TMED3: variants seen among roughly 807,000 people sequenced by gnomAD.
TMED3 encodes the protein transmembrane p24 trafficking protein 3.
Under a neutral mutation model 15.0 loss-of-function variants are expected in TMED3, and 9 were observed. The observed-to-expected ratio is 0.60, with a 90% CI of 0.36 to 1.04. TMED3 has a LOEUF of 1.04. TMED3 is among the 50% of genes least tolerant of loss of function. The pLI is 0.01. For synonymous variants in TMED3, 117 were observed against 121.4 expected (o/e 0.96, Z 0.24); for missense variants, 267 against 278.9 (o/e 0.96, Z 0.30).
chr15:79,314,028 G>C, intron 2 of TMED3, 23 bp downstream of exon 2: 1 of 1,613,318 alleles, frequency 6.2e-7, no homozygotes, highest in African/African-American at 1.3e-5. Context: ...TAGCAGTTCG[G>C]GGCTGCTGAA....
intron 2 of TMED3, among the ~76,000 whole-genome samples, chr15:79,369,280 A>G (rs1893293977): frequency 6.6e-6 from 1 of 152,172 alleles, no homozygotes; most frequent in African/African-American, 2.4e-5. Context: ...CTCGAGAGAT[A>G]ATAGTTGAAA....
chr15:79,334,626 C>T (rs1260427897), intron 2 of TMED3, among the ~76,000 whole-genome samples: 1 of 152,162 alleles, frequency 6.6e-6, no homozygotes, highest in Non-Finnish European at 1.5e-5. Context: ...CACAGTGTGA[C>T]TCTTCAGCAA....
At chr15:79,353,121 AATAT>A (rs1225097685) in intron 2 of TMED3, among the ~76,000 whole-genome samples, 1 of 82,326 alleles carries the variant, frequency 1.2e-5, no homozygotes, top group African/African-American at 5.7e-5. Flanking sequence ...ATATATATAT[AATAT>A]ATATAAAATA....
At chr15:79,354,919 A>T (rs2141237007) in intron 2 of TMED3, among the ~76,000 whole-genome samples, 1 of 152,156 alleles carries the variant, frequency 6.6e-6, no homozygotes, top group African/African-American at 2.4e-5. Context: ...ATCAGGCATG[A>T]CCTTAGCCCC....
chr15:79,403,062 GA>G (rs529279385), intron 2 of TMED3, among the ~76,000 whole-genome samples: 9 of 147,574 alleles, frequency 6.1e-5, no homozygotes, highest in African/African-American at 1.5e-4. Context: ...CTATTCAAAA[GA>G]AAAAAAAAGT....
At chr15:79,325,121 A>T (rs1322712603), downstream of TMED3, among the ~76,000 whole-genome samples, 1 of 152,162 alleles carries the variant, frequency 6.6e-6, no homozygotes, top group Non-Finnish European at 1.5e-5. Flanking sequence ...AAGACATAGG[A>T]CCTCTGACTC....
chr15:79,364,782 C>T (rs2141242392), intron 2 of TMED3, among the ~76,000 whole-genome samples: 1 of 152,044 alleles, frequency 6.6e-6, no homozygotes, highest in Admixed American at 6.5e-5. Flanking sequence ...ATCATCCTCT[C>T]ACTGCATCCT....
At chr15:79,332,002 A>G (rs1368390087) in intron 2 of TMED3, among the ~76,000 whole-genome samples, 1 of 152,186 alleles carries the variant, frequency 6.6e-6, no homozygotes, top group Non-Finnish European at 1.5e-5. Context: ...GCTGTGTGCT[A>G]TGATTGTACC....
chr15:79,323,714 A>G (rs1168743137), downstream of TMED3, among the ~76,000 whole-genome samples: 1 of 152,190 alleles, frequency 6.6e-6, no homozygotes, highest in Non-Finnish European at 1.5e-5. Context: ...GAATTGAAGG[A>G]CACAGCTTTA....
intron 1 of TMED3, among the ~76,000 whole-genome samples, chr15:79,311,978 C>T (rs1317230623): frequency 1.3e-5 from 2 of 152,236 alleles, no homozygotes; most frequent in Non-Finnish European, 2.9e-5. Flanking sequence ...AGCGGTGTGG[C>T]TGCAAGACTT....
At chr15:79,370,930 T>A (rs1893327161) in intron 2 of TMED3, among the ~76,000 whole-genome samples, 1 of 152,252 alleles carries the variant, frequency 6.6e-6, no homozygotes, top group Admixed American at 6.5e-5. Flanking sequence ...AGCTCTGCAC[T>A]GAGCTTATCT....
intron 2 of TMED3, among the ~76,000 whole-genome samples, chr15:79,404,606 C>T (rs1893877556): frequency 6.6e-6 from 1 of 152,202 alleles, no homozygotes; most frequent in Non-Finnish European, 1.5e-5. Context: ...TCAGTCCTTC[C>T]TCAGGCCTTT....
intron 2 of TMED3, among the ~76,000 whole-genome samples, chr15:79,374,135 G>A (rs1019246051): frequency 2.0e-5 from 3 of 152,186 alleles, no homozygotes; most frequent in South Asian, 4.1e-4. Flanking sequence ...GCCCTGTAAC[G>A]TTGCAGGGCT....
intron 2 of TMED3, among the ~76,000 whole-genome samples, chr15:79,405,279 T>C (rs1893888309): frequency 6.6e-6 from 1 of 152,170 alleles, no homozygotes; most frequent in African/African-American, 2.4e-5. Flanking sequence ...TCCCCTGTGG[T>C]GATTGCCAGA....
At chr15:79,369,433 G>A (rs1163232098) in intron 2 of TMED3, among the ~76,000 whole-genome samples, 2 of 152,142 alleles carry the variant, frequency 1.3e-5, no homozygotes, top group African/African-American at 4.8e-5. Flanking sequence ...TTCCTCCCCT[G>A]CTTTTTAAAA....
At chr15:79,383,093 C>G (rs1294092939) in intron 2 of TMED3, 1 of 1,456,966 alleles carries the variant, frequency 6.9e-7, no homozygotes, top group African/African-American at 1.4e-5. Context: ...GGCTCTTTGC[C>G]TGTAGATCGC....
chr15:79,344,823 G>A (rs867817528), intron 2 of TMED3, among the ~76,000 whole-genome samples: 5 of 152,186 alleles, frequency 3.3e-5, no homozygotes, highest in African/African-American at 7.2e-5. Context: ...AGACTTCACT[G>A]TAGTGAGCCC....
intron 2 of TMED3, among the ~76,000 whole-genome samples, chr15:79,360,340 G>A (rs1434773045): frequency 6.6e-6 from 1 of 152,202 alleles, no homozygotes; most frequent in East Asian, 1.9e-4. Flanking sequence ...GTTTCTGTGG[G>A]ATAGACTTGG....
intron 2 of TMED3, among the ~76,000 whole-genome samples, chr15:79,364,281 C>T (rs976199437): frequency 6.6e-6 from 1 of 152,146 alleles, no homozygotes; most frequent in African/African-American, 2.4e-5. Context: ...TAGTCCCCTG[C>T]GGGCATGTTT....
Sources: gnomAD v4.1 joint callset for allele counts (sites outside exome capture counted in the v4.1 genomes callset) on GRCh38, gnomAD v4.1.1 for gene constraint, MANE v1.5 for transcripts, NCBI Gene and HGNC (gene_info 2026-07-23, HGNC 2026-07-21) for gene names.